Variants in FGF13 observed in about 807,000 individuals in gnomAD.
FGF13 encodes the protein fibroblast growth factor homologous factor 2.
Under a neutral mutation model 19.5 loss-of-function variants are expected in FGF13, and 2 were observed. The observed-to-expected ratio is 0.10, with a 90% CI of 0.04 to 0.32. The LOEUF (loss-of-function observed/expected upper bound fraction) is 0.32. Among genes scored for constraint, FGF13 ranks in the 10% least tolerant of loss-of-function variants. The pLI is 1.00. For synonymous variants in FGF13, 72 were observed against 76.9 expected, an observed-to-expected ratio of 0.94 and a Z score of 0.33; for missense variants, 113 against 192.7, an observed-to-expected ratio of 0.59 and a Z score of 2.45.
At chrX:138,780,945 A>C (rs772697867) in intron 3 of FGF13, among the ~76,000 whole-genome samples, 17 of 110,746 alleles carry the variant, frequency 1.5e-4, no homozygotes, top group African/African-American at 5.6e-4. Flanking sequence ...ATGTAAAAGA[A>C]CAGAAATTAT....
intron 1 of FGF13, among the ~76,000 whole-genome samples, chrX:138,737,452 C>A (rs2090286486): frequency 8.9e-6 from 1 of 111,913 alleles, no homozygotes; most frequent in Admixed American, 9.5e-5. Flanking sequence ...TCAATCACTA[C>A]CAATCTGTCC....
In FGF13 at chrX:138,984,483, AAGAAGGAGAAGG is replaced by A. The variant is rs1229952648; in HGVS notation, c.-112-119845_-112-119834del. On this transcript the variant is annotated intron_variant, in intron 1 of 2. Transcript: ENST00000421460. Reference sequence around the variant, plus strand: ...GGAGAAGGAGAAGAAGGAGAAGGAGAAGAAGGAGAAGGAGAAGGAGAAGAAGAGGAAGAAGAA... The same window carrying A: ...GGAGAAGGAGAAGAAGGAGAAGGAGAAGAAGGAGAAGAAGAGGAAGAAGAA... 2.9e-3 allele frequency among the ~76,000 whole-genome samples: 70 copies of A among 24,537 alleles called. 1 individual carries two copies. Among genetic ancestry groups the A allele is most frequent in the East Asian group, 0.011 (9 of 843 alleles). The allele number at this position is 24,537 out of a possible 115,157, so 21.3% of individuals were successfully genotyped here. A position where few individuals can be genotyped will look rare whatever the true frequency, so the allele number is the denominator to read the frequency against.
intron 1 of FGF13, among the ~76,000 whole-genome samples, chrX:139,195,577 A>C (rs1449509005): frequency 1.8e-5 from 2 of 112,282 alleles, no homozygotes; most frequent in Non-Finnish European, 3.8e-5. Flanking sequence ...AATGCTACCT[A>C]CATTATTTGG....
At chrX:138,904,639 G>A (rs1458125137) in intron 1 of FGF13, among the ~76,000 whole-genome samples, 3 of 111,365 alleles carry the variant, frequency 2.7e-5, no homozygotes, top group African/African-American at 9.8e-5. Context: ...AATCCTCCTA[G>A]GCCTTACCCT....
At chrX:138,983,289 T>C (rs2091971340) in intron 1 of FGF13, among the ~76,000 whole-genome samples, 1 of 108,344 alleles carries the variant, frequency 9.2e-6, no homozygotes, top group Admixed American at 1.0e-4. Flanking sequence ...TTGCAAGTGG[T>C]GGGAGACGGG....
chrX:138,746,513 T>C (rs774995509), intron 3 of FGF13, among the ~76,000 whole-genome samples: 1 of 111,743 alleles, frequency 8.9e-6, no homozygotes, highest in Non-Finnish European at 1.9e-5. Context: ...AATAGCTATC[T>C]AAGGTACTCT....
chrX:138,860,868 C>T (rs1387466300), intron 2 of FGF13, among the ~76,000 whole-genome samples: 1 of 111,893 alleles, frequency 8.9e-6, no homozygotes, highest in Non-Finnish European at 1.9e-5. Flanking sequence ...GGCAGTGCCC[C>T]CAGCCTCGAA....
At chrX:139,192,391 G>C (rs764909319) in intron 1 of FGF13, among the ~76,000 whole-genome samples, 4 of 112,139 alleles carry the variant, frequency 3.6e-5, no homozygotes, top group African/African-American at 9.7e-5. Context: ...CAACTAGCCT[G>C]ATGATAAGAA....
At chrX:138,872,803 C>T (rs1388822678) in intron 1 of FGF13, among the ~76,000 whole-genome samples, 1 of 111,643 alleles carries the variant, frequency 9.0e-6, no homozygotes, top group Non-Finnish European at 1.9e-5. Context: ...TTCCTTTTTA[C>T]TTTCTCCTTG....
intron 3 of FGF13, among the ~76,000 whole-genome samples, chrX:138,641,717 A>G (rs1374043623): frequency 1.8e-5 from 2 of 111,782 alleles, no homozygotes; most frequent in African/African-American, 6.5e-5. Flanking sequence ...CTTCCAGGGT[A>G]TATTTGATGT....
At chrX:139,156,962 G>T (rs1007130615) in intron 1 of FGF13, among the ~76,000 whole-genome samples, 6 of 111,540 alleles carry the variant, frequency 5.4e-5, no homozygotes, top group African/African-American at 2.0e-4. Flanking sequence ...ACAAGAGGCC[G>T]CTGAGAAAAT....
chrX:139,138,926 C>CTT lies in FGF13; in HGVS notation c.-113+64488_-113+64489dup, dbSNP rs758384021. ...ATACCAGCTCACACTTGTTATTTAT[C>CTT]TTTTTTTTTTTTTTTTTTTTGAGAT... On this transcript the variant is annotated intron_variant, in intron 1 of 2. Transcript: ENST00000421460. Among the ~76,000 whole-genome samples the CTT allele has an allele frequency of 4.2e-4, 36 of 85,532 alleles. 1 individual carries two copies. Among genetic ancestry groups the CTT allele is most frequent in the Middle Eastern group, 5.8e-3 (1 of 173 alleles). The allele number at this position is 85,532 out of a possible 115,157, so 74.3% of individuals were successfully genotyped here. A position where few individuals can be genotyped will look rare whatever the true frequency, so the allele number is the denominator to read the frequency against.
At chrX:138,657,531 A>C (rs1267779172) in intron 3 of FGF13, among the ~76,000 whole-genome samples, 1 of 112,204 alleles carries the variant, frequency 8.9e-6, no homozygotes, top group Non-Finnish European at 1.9e-5. Flanking sequence ...AAACTATTTG[A>C]AACTATTTTG....
intron 3 of FGF13, among the ~76,000 whole-genome samples, chrX:138,640,111 T>G (rs927184622): frequency 1.8e-5 from 2 of 111,968 alleles, no homozygotes; most frequent in African/African-American, 6.5e-5. Flanking sequence ...AATCTAATAC[T>G]CCTTTTTACC....
At position 138,622,034 on chromosome X, in the gene FGF13, A is replaced by G. The variant is rs767691258; in HGVS notation, c.*10816T>C. ...CTACCCAACATTTAAAGAAAATCTA[A>G]TATCAATCCTTCTCAAATCTTCCAA... On this transcript the variant is annotated 3_prime_UTR_variant, in exon 5 of 5. Transcript: ENST00000315930. 3 of 105,822 alleles carry G rather than the reference A, an allele frequency of 2.8e-5. No individual in the cohort carries two copies. The highest frequency in any genetic ancestry group is 5.8e-5 in the Non-Finnish European group (3 of 51,614). The allele number at this position is 105,822 out of a possible 1,213,427, so 8.7% of individuals were successfully genotyped here.
intron 3 of FGF13, among the ~76,000 whole-genome samples, chrX:138,808,543 A>C (rs2090891837): frequency 9.0e-6 from 1 of 111,518 alleles, no homozygotes; most frequent in African/African-American, 3.3e-5. Context: ...TAGAGAAGCA[A>C]GAGCAAACAT....
At chrX:139,067,647 T>C (rs894779675) in intron 1 of FGF13, among the ~76,000 whole-genome samples, 4 of 111,801 alleles carry the variant, frequency 3.6e-5, no homozygotes, top group African/African-American at 1.3e-4. Flanking sequence ...CACAAACAAA[T>C]GGAAAAACAT....
chrX:139,192,907 C>T (rs1376675017), intron 1 of FGF13, among the ~76,000 whole-genome samples: 1 of 111,837 alleles, frequency 8.9e-6, no homozygotes, highest in Non-Finnish European at 1.9e-5. Flanking sequence ...CCTAAGAAAA[C>T]TTGCAAAATA....
chrX:138,928,373 T>G (rs2091684508), intron 1 of FGF13, among the ~76,000 whole-genome samples: 1 of 111,101 alleles, frequency 9.0e-6, no homozygotes, highest in Admixed American at 9.6e-5. Context: ...ATATCTTATT[T>G]TTGGAAATTT....
Sources: allele counts gnomAD v4.1 joint callset (sites outside exome capture counted in the v4.1 genomes callset), GRCh38; gene constraint gnomAD v4.1.1; transcripts MANE v1.5; gene names NCBI Gene and HGNC (gene_info 2026-07-23, HGNC 2026-07-21).